NCALD: variants seen among roughly 807,000 people sequenced by gnomAD.
NCALD encodes neurocalcin-delta.
A neutral mutation model predicts 18.6 loss-of-function variants in NCALD; 10 were observed. The ratio of observed to expected loss-of-function variants is 0.54; its 90% CI spans 0.33 to 0.91. The LOEUF (loss-of-function observed/expected upper bound fraction) is 0.91. NCALD is among the 40% of genes least tolerant of loss of function. The pLI, the probability that NCALD is intolerant of heterozygous loss-of-function variation, is 0.03. For synonymous variants in NCALD, 88 were observed against 87.4 expected (o/e 1.01, Z -0.04); for missense variants, 184 against 247.6 (o/e 0.74, Z 1.72).
chr8:102,031,368 T>G lies in NCALD; in HGVS notation c.-209-11079A>C, dbSNP rs7827553. On this transcript the variant is annotated intron_variant, in intron 1 of 6. Coordinates refer to the NCALD transcript ENST00000311028. Reference sequence around the variant, plus strand: ...AGAACTAAGCTATAGTACCTAGAGATGCATAGCTGGGCAACTGATATAAAA... The same window carrying G: ...AGAACTAAGCTATAGTACCTAGAGAGGCATAGCTGGGCAACTGATATAAAA... Among the ~76,000 whole-genome samples, 677 of 152,284 alleles carry G rather than the reference T, an allele frequency of 4.4e-3. 4 individuals carry two copies. Among genetic ancestry groups the G allele is most frequent in the African/African-American group, 0.014 (577 of 41,548 alleles).
intron 1 of NCALD, among the ~76,000 whole-genome samples, chr8:102,109,265 C>T (rs1277924000): frequency 6.6e-6 from 1 of 151,296 alleles, no homozygotes; most frequent in Non-Finnish European, 1.5e-5. Flanking sequence ...AAAATGTACA[C>T]ATAAAAGGTA....
chr8:102,020,669 T>C lies in NCALD; in HGVS notation c.-209-380A>G, dbSNP rs181895299. 3.0e-3 allele frequency among the ~76,000 whole-genome samples: 452 copies of C among 152,338 alleles called. 3 individuals carry two copies. The highest frequency in any genetic ancestry group is 2.9e-3 in the Non-Finnish European group (200 of 68,036). On this transcript the variant is annotated intron_variant, in intron 1 of 6. Transcript: ENST00000311028. ...TATACAGCACTTCAGTTTTGCACAGTAGTCAGAGTGATCATTCTAAAATCT... is the reference window on the plus strand; with the variant it reads ...TATACAGCACTTCAGTTTTGCACAGCAGTCAGAGTGATCATTCTAAAATCT...
At chr8:101,838,770 T>C (rs545267940) in intron 4 of NCALD, among the ~76,000 whole-genome samples, 4 of 152,354 alleles carry the variant, frequency 2.6e-5, no homozygotes, top group Admixed American at 1.3e-4. Context: ...TAAAGTTGCA[T>C]TGGTTGACAC....
At chr8:101,927,752 T>C (rs749861066) in intron 2 of NCALD, among the ~76,000 whole-genome samples, 1 of 152,104 alleles carries the variant, frequency 6.6e-6, no homozygotes, top group African/African-American at 2.4e-5. Flanking sequence ...CCTGTCCTTG[T>C]GGAAGTGTCC....
intron 3 of NCALD, chr8:101,692,445 T>A: frequency 1.0e-6 from 1 of 985,456 alleles, no homozygotes; most frequent in Non-Finnish European, 1.2e-6. Context: ...TGAACTGGAC[T>A]GCAGGGACCC....
chr8:102,118,597 C>T (rs1825857286), intron 1 of NCALD, among the ~76,000 whole-genome samples: 1 of 152,256 alleles, frequency 6.6e-6, no homozygotes, highest in South Asian at 2.1e-4. Flanking sequence ...TGAGATCTCT[C>T]GATGCCGTAT....
At chr8:101,966,228 A>G (rs1343801153) in intron 2 of NCALD, among the ~76,000 whole-genome samples, 1 of 152,080 alleles carries the variant, frequency 6.6e-6, no homozygotes, top group Non-Finnish European at 1.5e-5. Context: ...TTTACAAATC[A>G]AGTTGGCAAA....
chr8:101,873,392 C>T (rs1282881453), intron 4 of NCALD, among the ~76,000 whole-genome samples: 2 of 152,174 alleles, frequency 1.3e-5, no homozygotes, highest in Non-Finnish European at 2.9e-5. Flanking sequence ...GTGTGCAAGG[C>T]AAACCATTGG....
intron 1 of NCALD, among the ~76,000 whole-genome samples, chr8:102,115,216 C>G (rs575725854): frequency 6.6e-6 from 1 of 152,338 alleles, no homozygotes; most frequent in Non-Finnish European, 1.5e-5. Context: ...TATTCCGATA[C>G]ACTGTTAAAG....
At chr8:101,824,479 AT>A (rs199579036) in intron 4 of NCALD, among the ~76,000 whole-genome samples, 2,457 of 147,282 alleles carry the variant, frequency 0.017, 92 homozygotes, top group East Asian at 0.12. Flanking sequence ...ATTTTATTTT[AT>A]TTTTTTTTTT....
intron 1 of NCALD, among the ~76,000 whole-genome samples, chr8:101,737,340 C>A (rs7844292): frequency 0.7 from 106,443 of 152,132 alleles, 38,396 homozygotes; most frequent in Non-Finnish European, 0.79. Flanking sequence ...TTTCTTAATC[C>A]AAGCCTTCAC....
chr8:101,719,656 T>G lies in NCALD; in HGVS notation c.-19-8A>C, dbSNP rs1279448512. 6.5e-7 allele frequency: 1 copy of G among 1,538,886 alleles called. No individual in the cohort carries two copies. The highest frequency in any genetic ancestry group is 8.7e-7 in the Non-Finnish European group (1 of 1,148,392). ...CTGGCGGCAAGAATTCAGCTGCAGA[T>G]AGAAAAGAAAACATATATAATTTGT... is the stretch of plus-strand genomic sequence containing the variant. On this transcript the variant is annotated splice_region_variant and splice_polypyrimidine_tract_variant and intron_variant, in intron 1 of 3. Coordinates refer to ENST00000220931, the MANE Select transcript of NCALD (RefSeq NM_032041.3).
At chr8:102,059,548 C>T (rs988857801) in intron 1 of NCALD, among the ~76,000 whole-genome samples, 1 of 152,170 alleles carries the variant, frequency 6.6e-6, no homozygotes, top group African/African-American at 2.4e-5. Flanking sequence ...CAAAATCAGG[C>T]TATAAACATG....
At chr8:101,997,593 G>A (rs1821283929) in intron 2 of NCALD, among the ~76,000 whole-genome samples, 1 of 152,208 alleles carries the variant, frequency 6.6e-6, no homozygotes, top group Non-Finnish European at 1.5e-5. Flanking sequence ...CTTTTCCCAA[G>A]AATGTAATCT....
intron 1 of NCALD, among the ~76,000 whole-genome samples, chr8:102,102,574 G>A (rs13278975): frequency 0.12 from 17,630 of 152,076 alleles, 1,080 homozygotes; most frequent in Middle Eastern, 0.13. Flanking sequence ...CCTAGCAAGT[G>A]GAAAAAGGGA....
intron 1 of NCALD, among the ~76,000 whole-genome samples, chr8:102,107,977 C>G (rs1450359492): frequency 6.6e-6 from 1 of 152,148 alleles, no homozygotes; most frequent in Non-Finnish European, 1.5e-5. Context: ...TCTCAAAGGG[C>G]AAGAGTAGGG....
chr8:101,964,668 C>A (rs1819957049), intron 2 of NCALD, among the ~76,000 whole-genome samples: 2 of 152,246 alleles, frequency 1.3e-5, no homozygotes, highest in South Asian at 4.1e-4. Context: ...GAATAGTGAG[C>A]CAATCTCTGT....
At chr8:101,909,111 T>C (rs952386731) in intron 3 of NCALD, among the ~76,000 whole-genome samples, 2 of 152,206 alleles carry the variant, frequency 1.3e-5, no homozygotes, top group African/African-American at 4.8e-5. Flanking sequence ...TTGTTCCCTG[T>C]TTCTGCTTTC....
At chr8:101,858,890 A>G (rs952422254) in intron 4 of NCALD, among the ~76,000 whole-genome samples, 1 of 152,200 alleles carries the variant, frequency 6.6e-6, no homozygotes, top group Non-Finnish European at 1.5e-5. Flanking sequence ...CAACAAAACA[A>G]GAGGAGAAAT....
Sources: gnomAD v4.1 joint callset for allele counts (sites outside exome capture counted in the v4.1 genomes callset) on GRCh38, gnomAD v4.1.1 for gene constraint, MANE v1.5 for transcripts, NCBI Gene and HGNC (gene_info 2026-07-23, HGNC 2026-07-21) for gene names.